Variants in RFTN1 observed in about 807,000 individuals in gnomAD.
RFTN1 encodes raftlin, lipid raft linker 1, also known as raftlin.
A neutral mutation model predicts 46.5 loss-of-function variants in RFTN1; 26 were observed. That is an observed-to-expected ratio of 0.56 (90% CI 0.41 to 0.78). The LOEUF is 0.78. RFTN1 is among the 30% of genes least tolerant of loss of function. The pLI, the probability that RFTN1 is intolerant of heterozygous loss-of-function variation, is 0.00. For missense variants in RFTN1, 693 were observed against 718.7 expected (o/e 0.96, Z 0.41); for synonymous variants, 261 against 284.2 (o/e 0.92, Z 0.82).
chr3:16,474,631 A>G lies in RFTN1; in HGVS notation c.145+19094T>C, dbSNP rs897942671. Among the ~76,000 whole-genome samples the G allele has an allele frequency of 9.2e-5, 14 of 152,230 alleles. No homozygotes were observed. The highest frequency in any genetic ancestry group is 2.1e-4 in the South Asian group (1 of 4,832). ...GAAAAAAAAAATAGGCTCCCCTCCA[A>G]TGCAATTTTTAAACCACTGATTCAC... is the stretch of plus-strand genomic sequence containing the variant. On this transcript the variant is annotated intron_variant, in intron 2 of 9. Transcript: ENST00000334133. This position sits in a 1 kb window ranked among gnomAD's most constrained non-coding sequence, Gnocchi z 5.5.
chr3:16,394,706 A>G (rs1027248004), intron 4 of RFTN1, among the ~76,000 whole-genome samples: 2 of 150,400 alleles, frequency 1.3e-5, no homozygotes, highest in African/African-American at 5.0e-5. Flanking sequence ...GCCTGTATTG[A>G]TGTTATTTTC....
At chr3:16,372,444 G>C (rs1214240971) in intron 5 of RFTN1, among the ~76,000 whole-genome samples, 1 of 152,160 alleles carries the variant, frequency 6.6e-6, no homozygotes, top group African/African-American at 2.4e-5. Flanking sequence ...GGCTCGGCCA[G>C]AGCTGTCCAC....
rs150095665 is a variant in RFTN1 at position 16,383,698 on chromosome 3, C to T, written c.442-5596G>A. Among the ~76,000 whole-genome samples the T allele has an allele frequency of 3.4e-3, 518 of 152,152 alleles. 1 individual carries two copies. The highest frequency in any genetic ancestry group is 4.4e-3 in the Admixed American group (68 of 15,288). ...TGTGATTTAGAGTATGTGTATCAATCGGGGTGAGAAATCAGAAAGAAGTGA... is the reference window on the plus strand; with the variant it reads ...TGTGATTTAGAGTATGTGTATCAATTGGGGTGAGAAATCAGAAAGAAGTGA... On this transcript the variant is annotated intron_variant, in intron 4 of 9. Coordinates refer to ENST00000334133, the MANE Select transcript of RFTN1 (RefSeq NM_015150.2). This position sits in a 1 kb window ranked among gnomAD's most constrained non-coding sequence, Gnocchi z 4.0.
intron 7 of RFTN1, chr3:16,339,956 G>C (rs1242464938): frequency 6.6e-6 from 1 of 152,196 alleles, no homozygotes; most frequent in African/African-American, 2.4e-5. Flanking sequence ...AATGAGACAT[G>C]AGTTTGCCAC....
intron 8 of RFTN1, 90 bp from the exon 9 acceptor site, chr3:16,323,547 A>G: frequency 1.1e-6 from 1 of 871,604 alleles, no homozygotes; most frequent in Non-Finnish European, 1.9e-6. Flanking sequence ...ATTTCATCAA[A>G]GCAGACCACC....
chr3:16,323,072 G>A (rs2069257619), intron 9 of RFTN1, among the ~76,000 whole-genome samples: 1 of 152,208 alleles, frequency 6.6e-6, no homozygotes, highest in African/African-American at 2.4e-5. Flanking sequence ...GGCTGCAGCT[G>A]ACTTCGTGCC....
rs2073797869 is a variant in RFTN1 at position 16,376,961 on chromosome 3, C to T, written c.826+757G>A. On this transcript the variant is annotated intron_variant, in intron 5 of 9. Transcript: ENST00000334133. This position sits in a 1 kb window ranked among gnomAD's most constrained non-coding sequence, Gnocchi z 4.7. ...GGCCTAAACAGAAAGCCCTCCTAAG[C>T]CCTGGGGGTCTTCTGTTAGTTTTCA... 6.6e-6 allele frequency among the ~76,000 whole-genome samples: 1 copy of T among 151,984 alleles called. No individual in the cohort carries two copies. Among genetic ancestry groups the T allele is most frequent in the African/African-American group, 2.4e-5 (1 of 41,376 alleles).
At position 16,440,687 on chromosome 3, in the gene RFTN1, T is replaced by TTG. The variant is rs2075603181; in HGVS notation, c.146-6651_146-6650insCA. 6.9e-6 allele frequency among the ~76,000 whole-genome samples: 1 copy of TTG among 144,726 alleles called. No homozygotes were observed. Among genetic ancestry groups the TTG allele is most frequent in the African/African-American group, 2.6e-5 (1 of 39,208 alleles). The allele number at this position is 144,726 out of a possible 152,430, so 94.9% of individuals were successfully genotyped here. On this transcript the variant is annotated intron_variant, in intron 2 of 9. Transcript: ENST00000334133. The surrounding 1 kb of genome is among the most constrained non-coding windows in gnomAD (Gnocchi z 4.6). The stretch of plus-strand genomic sequence containing the variant: ...AAGGGGACAAGATGGTTACTGCTAA[T>TTG]GGGGGGGGGGCCCAATGGTGCCAGA...
chr3:16,462,357 T>C (rs1173445682), intron 2 of RFTN1, among the ~76,000 whole-genome samples: 1 of 152,258 alleles, frequency 6.6e-6, no homozygotes, highest in Non-Finnish European at 1.5e-5. Flanking sequence ...GATGTGTCCA[T>C]GTCCTAATCC....
At chr3:16,454,486 AC>A (rs201323396) in intron 2 of RFTN1, among the ~76,000 whole-genome samples, 5,020 of 152,262 alleles carry the variant, frequency 0.033, 123 homozygotes, top group Middle Eastern at 0.065. Flanking sequence ...AAGTCTGAGG[AC>A]GATTGTGTGA....
rs2076804092 is a variant in RFTN1, at chr3:16,506,266, G to A, written c.-9+7176C>T. Among the ~76,000 whole-genome samples, 1 of 152,140 alleles carries A rather than the reference G, an allele frequency of 6.6e-6. No individual in the cohort carries two copies. Among genetic ancestry groups the A allele is most frequent in the Non-Finnish European group, 1.5e-5 (1 of 68,034 alleles). On this transcript the variant is annotated intron_variant, in intron 1 of 9. Coordinates refer to ENST00000334133, the MANE Select transcript of RFTN1 (RefSeq NM_015150.2). This position sits in a 1 kb window ranked among gnomAD's most constrained non-coding sequence, Gnocchi z 4.8. ...GCAAGGCAGTGGCAGGTGCAAACAA[G>A]CTGGGGTGTGGGGCCCCTGGGAGGC...
intron 4 of RFTN1, among the ~76,000 whole-genome samples, chr3:16,396,675 GT>G (rs560926197): frequency 5.3e-5 from 8 of 152,266 alleles, no homozygotes; most frequent in Admixed American, 3.9e-4. Flanking sequence ...AGGAAGATTT[GT>G]TTTAATGGAA....
At chr3:16,476,977 C>G (rs534306447) in intron 2 of RFTN1, among the ~76,000 whole-genome samples, 1 of 152,308 alleles carries the variant, frequency 6.6e-6, no homozygotes, top group Non-Finnish European at 1.5e-5. Context: ...CCCATTTTCT[C>G]TCCACAGGGA....
At chr3:16,390,165 A>G (rs1251930975) in intron 4 of RFTN1, among the ~76,000 whole-genome samples, 1 of 152,248 alleles carries the variant, frequency 6.6e-6, no homozygotes, top group Non-Finnish European at 1.5e-5. Context: ...CTATTGTTTA[A>G]AGCCAATATG....
rs141658132 is a variant in RFTN1, at chr3:16,325,949, G to C, written c.1250+824C>G. On this transcript the variant is annotated intron_variant, in intron 8 of 9. Coordinates refer to ENST00000334133, the MANE Select transcript of RFTN1 (RefSeq NM_015150.2). Reference sequence around the variant, plus strand: ...ATCCTTGCTGGTCAGCAGAGAGACGGCCTGCTCCAGGAAAAGTGCCTGATT... The same window carrying C: ...ATCCTTGCTGGTCAGCAGAGAGACGCCCTGCTCCAGGAAAAGTGCCTGATT... Among the ~76,000 whole-genome samples, 7 of 152,338 alleles carry C rather than the reference G, an allele frequency of 4.6e-5. No individual in the cohort carries two copies. In the East Asian group the frequency reaches 1.4e-3, roughly 29 times the overall value.
chr3:16,406,929 T>TG (rs1402853606), intron 4 of RFTN1, among the ~76,000 whole-genome samples: 2 of 151,938 alleles, frequency 1.3e-5, no homozygotes, highest in South Asian at 2.1e-4. Context: ...CTATAATCAG[T>TG]GGGAAAAAAA....
rs989060197 is a variant in RFTN1, at chr3:16,345,425, T to G, written c.1146+12507A>C. On this transcript the variant is annotated intron_variant, in intron 7 of 9. Transcript: ENST00000334133. The surrounding 1 kb of genome is among the most constrained non-coding windows in gnomAD (Gnocchi z 5.2). Reference sequence around the variant, plus strand: ...CCACAGGATGCATAAACATTATTTTTGGGCATGTTGTGAGGGTGTTTCTGG... The same window carrying G: ...CCACAGGATGCATAAACATTATTTTGGGGCATGTTGTGAGGGTGTTTCTGG... Among the ~76,000 whole-genome samples the G allele has an allele frequency of 6.6e-6, 1 of 152,192 alleles. No individual in the cohort carries two copies. The highest frequency in any genetic ancestry group is 2.4e-5 in the African/African-American group (1 of 41,436).
At chr3:16,318,773 A>G (rs1386858607) in intron 9 of RFTN1, among the ~76,000 whole-genome samples, 1 of 152,148 alleles carries the variant, frequency 6.6e-6, no homozygotes, top group Non-Finnish European at 1.5e-5. Flanking sequence ...TTCACTTACA[A>G]TGTTGGATGG....
intron 4 of RFTN1, among the ~76,000 whole-genome samples, chr3:16,386,853 A>C (rs930595019): frequency 9.2e-5 from 14 of 152,228 alleles, no homozygotes; most frequent in Non-Finnish European, 4.4e-5. Flanking sequence ...AAGAGCCTAC[A>C]CTTGCTATGG....
Sources: gnomAD v4.1 joint callset for allele counts (sites outside exome capture counted in the v4.1 genomes callset) on GRCh38, gnomAD v4.1.1 for gene constraint, Gnocchi (gnomAD v3.1) non-coding constraint, MANE v1.5 for transcripts, NCBI Gene and HGNC (gene_info 2026-07-23, HGNC 2026-07-21) for gene names.